Variants in VCL observed in about 807,000 individuals in gnomAD.
VCL encodes vinculin, also known as epididymis luminal protein 114.
VCL carries 47 observed loss-of-function variants against 125.7 expected under a neutral mutation model. That is an observed-to-expected ratio of 0.37 (90% CI 0.30 to 0.48). The LOEUF (loss-of-function observed/expected upper bound fraction) is 0.48, where lower values mean the gene tolerates loss of function less well. Ranked by LOEUF, VCL falls within the 20% of genes least tolerant of loss-of-function variation. VCL has a pLI of 0.99. For missense variants in VCL, 1,069 were observed against 1,455.5 expected (o/e 0.73, Z 4.32); for synonymous variants, 458 against 514.6 (o/e 0.89, Z 1.49).
chr10:74,100,730 T>C (rs1840039129), intron 13 of VCL, among the ~76,000 whole-genome samples: 1 of 152,154 alleles, frequency 6.6e-6, no homozygotes, highest in South Asian at 2.1e-4. Flanking sequence ...TGTGAGTGTG[T>C]TTGTGTGCAT....
chr10:74,061,557 T>G (rs1841479548), intron 2 of VCL, among the ~76,000 whole-genome samples: 1 of 152,230 alleles, frequency 6.6e-6, no homozygotes, highest in South Asian at 2.1e-4. Flanking sequence ...CTTTTGTTTG[T>G]TGGCTATAAT....
intron 6 of VCL, among the ~76,000 whole-genome samples, chr10:74,082,156 T>C (rs962149247): frequency 2.0e-5 from 3 of 152,238 alleles, no homozygotes; most frequent in Admixed American, 2.0e-4. Context: ...TTTTTCCTGC[T>C]GAAGACATTA....
chr10:74,100,645 G>T (rs991600532), intron 13 of VCL, among the ~76,000 whole-genome samples: 2 of 152,120 alleles, frequency 1.3e-5, no homozygotes, highest in African/African-American at 2.4e-5. Flanking sequence ...GCAAATTACT[G>T]CAGAGTATAT....
chr10:74,087,513 AT>A (rs1167937127), intron 8 of VCL, among the ~76,000 whole-genome samples: 5,499 of 122,984 alleles, frequency 0.045, 257 homozygotes, highest in African/African-American at 0.15. Flanking sequence ...CGCCTGGCTA[AT>A]TTTTTTTTTT....
intron 6 of VCL, among the ~76,000 whole-genome samples, chr10:74,081,470 G>A (rs180886477): frequency 5.8e-4 from 89 of 152,284 alleles, no homozygotes; most frequent in African/African-American, 2.1e-3. Context: ...AGGAAGCTAG[G>A]ACATTGCCTA....
intron 19 of VCL, among the ~76,000 whole-genome samples, chr10:74,113,283 A>G (rs946775321): frequency 2.0e-5 from 3 of 152,252 alleles, no homozygotes; most frequent in African/African-American, 7.2e-5. Flanking sequence ...TTTCTTTACT[A>G]TGACCCATGA....
chr10:74,110,916 C>T (rs1032864148), intron 18 of VCL, among the ~76,000 whole-genome samples: 3 of 152,198 alleles, frequency 2.0e-5, no homozygotes, highest in African/African-American at 7.2e-5. Flanking sequence ...CATGTTCTCT[C>T]CATCATGATT....
intron 6 of VCL, 37 bp from the exon 7 acceptor site, chr10:74,082,417 T>C: frequency 2.5e-6 from 4 of 1,611,242 alleles, no homozygotes; most frequent in Non-Finnish European, 3.4e-6. Flanking sequence ...ATCTCAACTT[T>C]TGCAAAGAAA....
At chr10:74,099,117 C>T (rs780296113) in intron 13 of VCL, among the ~76,000 whole-genome samples, 12 of 152,214 alleles carry the variant, frequency 7.9e-5, no homozygotes, top group Admixed American at 2.0e-4. Flanking sequence ...GACTCTTTCA[C>T]TAGGCCATCA....
chr10:74,019,787 G>A (rs971177920), intron 1 of VCL, among the ~76,000 whole-genome samples: 10 of 152,212 alleles, frequency 6.6e-5, no homozygotes, highest in Non-Finnish European at 1.3e-4. Context: ...AATTGGCCCG[G>A]TGTGATGGCT....
At position 74,071,021 on chromosome 10, in the gene VCL, C is replaced by G; in HGVS notation, c.437C>G (p.Thr146Arg). ...RVCKGILEYL[T>R]VAEVVETMED... The stretch of plus-strand genomic sequence containing the variant: ...TGCAAAGGAATTTTGGAATATCTTA[C>G]AGTGGCAGAGGTGGTGGAGACTATG... The change falls in exon 4 of 22, where the codon ACA becomes AGA. Residue 146 changes from threonine (T) to arginine (R), a missense_variant. Thr to Arg is a moderately conservative substitution (Grantham distance 71). Around this residue, in one of 6 missense-constraint regions of VCL, gnomAD observed 760 missense variants for 928.9 expected, o/e 0.82. Coordinates refer to ENST00000211998, the MANE Select transcript of VCL (RefSeq NM_014000.3). This position sits in a 1 kb window ranked among gnomAD's most constrained non-coding sequence, Gnocchi z 4.1. 6.2e-7 allele frequency: 1 copy of G among 1,614,168 alleles called. No individual in the cohort carries two copies. The highest frequency in any genetic ancestry group is 8.5e-7 in the Non-Finnish European group (1 of 1,180,012).
intron 2 of VCL, among the ~76,000 whole-genome samples, chr10:74,053,563 A>G (rs1841343710): frequency 1.3e-5 from 2 of 151,952 alleles, no homozygotes; most frequent in African/African-American, 4.8e-5. Context: ...CAAGTTTATT[A>G]TTTGAATACC....
intron 21 of VCL, 133 bp from the exon 22 acceptor site, chr10:74,117,890 A>G: frequency 7.7e-7 from 1 of 1,293,616 alleles, no homozygotes. Flanking sequence ...GAAAACCCCT[A>G]GTGATGCAAG....
chr10:74,023,134 T>C (rs1341488112), intron 1 of VCL, among the ~76,000 whole-genome samples: 1 of 152,256 alleles, frequency 6.6e-6, no homozygotes, highest in Non-Finnish European at 1.5e-5. Context: ...GTGCTTTGCC[T>C]GCACTGTCTT....
chr10:73,998,442 C>G, intron 1 of VCL, 67 bp downstream of exon 1: 2 of 1,300,312 alleles, frequency 1.5e-6, no homozygotes, highest in Non-Finnish European at 1.9e-6. Flanking sequence ...GCCCGCGTCG[C>G]GGCTGCCTGT....
In VCL at chr10:74,118,097, T is replaced by C. The variant is rs147415627; in HGVS notation, c.3333T>C (p.Ala1111=). The change falls in exon 22 of 22, where the codon GCT becomes GCC. Residue 1111 remains alanine (A), a synonymous_variant. Coordinates refer to ENST00000211998, the MANE Select transcript of VCL (RefSeq NM_014000.3). ...SVKETVREAE[A]ASIKIRTDAG... ...AGGAGACTGTGCGGGAAGCTGAAGC[T>C]GCTTCAATCAAAATTCGAACAGATG... The C allele has an allele frequency of 3.2e-4, 524 of 1,614,168 alleles. 4 individuals are homozygous for C. In the South Asian group the frequency reaches 3.7e-3, roughly 12 times the overall value.
rs551677696 is a variant in VCL at position 74,062,232 on chromosome 10, A to G, written c.240-8438A>G. Among the ~76,000 whole-genome samples, 3 of 151,658 alleles carry G rather than the reference A, an allele frequency of 2.0e-5. No individual in the cohort carries two copies. In the East Asian group the frequency reaches 5.8e-4, roughly 30 times the overall value. The stretch of plus-strand genomic sequence containing the variant: ...AGGAGTGCACCACCACACATGGCTA[A>G]TTTTTTATTTTTTGTAAAAATGGGG... On this transcript the variant is annotated intron_variant, in intron 2 of 21. Transcript: ENST00000211998.
chr10:74,114,747 G>C (rs1312536730), intron 20 of VCL, 48 bp from the exon 21 acceptor site: 2 of 1,551,710 alleles, frequency 1.3e-6, no homozygotes, highest in Non-Finnish European at 1.7e-6. Context: ...CAAGGAGCTT[G>C]TGGGCAAGGC....
At chr10:74,016,520 A>G (rs907972222) in intron 1 of VCL, among the ~76,000 whole-genome samples, 1 of 152,080 alleles carries the variant, frequency 6.6e-6, no homozygotes, top group Non-Finnish European at 1.5e-5. Context: ...CTGAGGTGGG[A>G]GGATTGCTTG....
Sources: allele counts gnomAD v4.1 joint callset (sites outside exome capture counted in the v4.1 genomes callset), GRCh38; gene constraint gnomAD v4.1.1; regional missense constraint gnomAD v4.1.1; non-coding constraint Gnocchi (gnomAD v3.1); transcripts MANE v1.5; gene names NCBI Gene and HGNC (gene_info 2026-07-23, HGNC 2026-07-21).